Variants in CSGALNACT1 observed in about 807,000 individuals in gnomAD.
CSGALNACT1 encodes chondroitin sulfate N-acetylgalactosaminyltransferase 1.
A neutral mutation model predicts 51.0 loss-of-function variants in CSGALNACT1; 52 were observed. The ratio of observed to expected loss-of-function variants is 1.02; its 90% CI spans 0.82 to 1.29. The LOEUF (loss-of-function observed/expected upper bound fraction) is 1.29, where lower values mean the gene tolerates loss of function less well. Ranked by LOEUF, CSGALNACT1 falls within the 50% of genes most tolerant of loss-of-function variation. The pLI, the probability that CSGALNACT1 is intolerant of heterozygous loss-of-function variation, is 0.00. For missense variants in CSGALNACT1, 935 were observed against 679.2 expected (o/e 1.38, Z -4.19); for synonymous variants, 341 against 254.4 (o/e 1.34, Z -3.24).
At chr8:19,418,850 C>T in intron 7 of CSGALNACT1, 100 bp from the exon 7 acceptor site, 1 of 821,100 alleles carries the variant, frequency 1.2e-6, no homozygotes, top group East Asian at 2.6e-5. Flanking sequence ...ATATTTGCAC[C>T]CACTTTTTTT....
chr8:19,473,620 C>T (rs918916590), intron 4 of CSGALNACT1, among the ~76,000 whole-genome samples: 3 of 152,122 alleles, frequency 2.0e-5, no homozygotes, highest in African/African-American at 7.2e-5. Context: ...AAAATTAGAC[C>T]ACAGTATCTG....
chr8:19,501,027 A>G (rs1587340645), intron 4 of CSGALNACT1, among the ~76,000 whole-genome samples: 2 of 152,220 alleles, frequency 1.3e-5, no homozygotes, highest in South Asian at 4.2e-4. Flanking sequence ...AGATGGGCCG[A>G]TCACTTGAGG....
chr8:19,583,787 G>A (rs1008275501), intron 3 of CSGALNACT1, among the ~76,000 whole-genome samples: 1 of 152,106 alleles, frequency 6.6e-6, no homozygotes, highest in African/African-American at 2.4e-5. Flanking sequence ...TTTGGGGTTG[G>A]AACTGCCAAC....
chr8:19,605,971 A>T (rs941577617), upstream of CSGALNACT1, among the ~76,000 whole-genome samples: 2 of 152,228 alleles, frequency 1.3e-5, no homozygotes, highest in Non-Finnish European at 2.9e-5. Context: ...AAAGGGCTTC[A>T]AAAACACAAT....
chr8:19,626,585 A>G (rs941709067), intron 1 of CSGALNACT1, among the ~76,000 whole-genome samples: 5 of 152,218 alleles, frequency 3.3e-5, no homozygotes, highest in African/African-American at 1.2e-4. Flanking sequence ...TAAAAATTTC[A>G]ATTCATTATA....
At chr8:19,408,876 A>T (rs2054939836) in intron 8 of CSGALNACT1, among the ~76,000 whole-genome samples, 182 bp from the exon 8 acceptor site, 1 of 151,788 alleles carries the variant, frequency 6.6e-6, no homozygotes, top group Non-Finnish European at 1.5e-5. Context: ...TACAGTACAC[A>T]CACCAGTCCC....
exon 10 of CSGALNACT1, chr8:19,405,655 C>T (rs1028023066): frequency 1.6e-6 from 2 of 1,256,472 alleles, no homozygotes; most frequent in Non-Finnish European, 2.3e-6. Flanking sequence ...CGGAGGCTTT[C>T]TCATCTCTGA....
intron 6 of CSGALNACT1, among the ~76,000 whole-genome samples, chr8:19,436,963 T>C (rs2060480448): frequency 2.0e-5 from 3 of 152,202 alleles, no homozygotes; most frequent in Non-Finnish European, 4.4e-5. Context: ...ATACCTGGCA[T>C]TATTTTTCTC....
intron 1 of CSGALNACT1, among the ~76,000 whole-genome samples, chr8:19,664,905 G>A (rs889471651): frequency 6.6e-6 from 1 of 152,228 alleles, no homozygotes; most frequent in African/African-American, 2.4e-5. Flanking sequence ...TGGGGGGTGA[G>A]AGACAACAAA....
intron 5 of CSGALNACT1, among the ~76,000 whole-genome samples, chr8:19,445,321 C>T (rs2061942092): frequency 6.6e-6 from 1 of 152,218 alleles, no homozygotes; most frequent in Admixed American, 6.5e-5. Flanking sequence ...TGGGAAAAAT[C>T]CATCCTAGAA....
chr8:19,582,328 G>T (rs4606078), intron 3 of CSGALNACT1, among the ~76,000 whole-genome samples: 2 of 152,070 alleles, frequency 1.3e-5, no homozygotes, highest in African/African-American at 4.8e-5. Flanking sequence ...TCCAATGAAA[G>T]ACTACTTAGA....
At chr8:19,697,537 CA>C (rs1645682395) in intron 1 of CSGALNACT1, among the ~76,000 whole-genome samples, 1 of 152,108 alleles carries the variant, frequency 6.6e-6, no homozygotes, top group African/African-American at 2.4e-5. Flanking sequence ...AGAGCTAAAA[CA>C]GAAGAAAAGC....
intron 6 of CSGALNACT1, among the ~76,000 whole-genome samples, chr8:19,426,870 C>T (rs2058853686): frequency 6.6e-6 from 1 of 152,202 alleles, no homozygotes; most frequent in Admixed American, 6.5e-5. Flanking sequence ...CTTTTCCCCA[C>T]AACTGCAAGG....
At chr8:19,421,257 A>G (rs113949196) in intron 6 of CSGALNACT1, among the ~76,000 whole-genome samples, 1 of 152,248 alleles carries the variant, frequency 6.6e-6, no homozygotes, top group African/African-American at 2.4e-5. Context: ...GCACTCTGTA[A>G]GCATCAGCTA....
chr8:19,477,534 T>C (rs1005686198), intron 4 of CSGALNACT1, among the ~76,000 whole-genome samples: 1 of 152,196 alleles, frequency 6.6e-6, no homozygotes, highest in Admixed American at 6.5e-5. Context: ...TACTCTCTAA[T>C]ATAAAAATGC....
At chr8:19,418,466 C>G (rs891476804) in intron 8 of CSGALNACT1, among the ~76,000 whole-genome samples, 190 bp downstream of exon 7, 1 of 152,218 alleles carries the variant, frequency 6.6e-6, no homozygotes, top group Non-Finnish European at 1.5e-5. Flanking sequence ...TTATTTTCCA[C>G]TTTAAATATT....
At chr8:19,599,541 A>T (rs2049933801) in intron 2 of CSGALNACT1, among the ~76,000 whole-genome samples, 1 of 147,952 alleles carries the variant, frequency 6.8e-6, no homozygotes, top group African/African-American at 2.5e-5. Context: ...AAGAAAAAGA[A>T]GGAAAGAAAG....
At chr8:19,474,418 A>G (rs1453167092) in intron 4 of CSGALNACT1, among the ~76,000 whole-genome samples, 1 of 152,190 alleles carries the variant, frequency 6.6e-6, no homozygotes, top group Non-Finnish European at 1.5e-5. Context: ...TGTATAGAGC[A>G]GGTAGTGTTT....
chr8:19,658,581 A>G (rs1296331820), intron 1 of CSGALNACT1, among the ~76,000 whole-genome samples: 2 of 152,032 alleles, frequency 1.3e-5, no homozygotes, highest in African/African-American at 4.8e-5. Flanking sequence ...TGAAATCACA[A>G]AAGTTAGCTG....
Sources: allele counts gnomAD v4.1 joint callset (sites outside exome capture counted in the v4.1 genomes callset), GRCh38; gene constraint gnomAD v4.1.1; transcripts MANE v1.5; gene names NCBI Gene and HGNC (gene_info 2026-07-23, HGNC 2026-07-21).